Variants in CDH2 observed in about 807,000 individuals in gnomAD.
The protein encoded by CDH2 is cadherin 2, also known as cadherin-2.
Under a neutral mutation model 92.0 loss-of-function variants are expected in CDH2, and 17 were observed. That is an observed-to-expected ratio of 0.18 (90% CI 0.13 to 0.28). The LOEUF (loss-of-function observed/expected upper bound fraction) is 0.28. CDH2 is among the 10% of genes least tolerant of loss of function. The pLI, the probability that CDH2 is intolerant of heterozygous loss-of-function variation, is 1.00. For missense variants in CDH2, 862 were observed against 1,133.1 expected (o/e 0.76, Z 3.44); for synonymous variants, 419 against 415.9 (o/e 1.01, Z -0.09).
intron 2 of CDH2, among the ~76,000 whole-genome samples, chr18:28,115,663 T>C (rs2015485767): frequency 6.6e-6 from 1 of 152,140 alleles, no homozygotes; most frequent in Non-Finnish European, 1.5e-5. Flanking sequence ...TGGGCCAGCT[T>C]TCCAATTTTC....
At chr18:27,948,493 TAGTG>T (rs570106809), downstream of CDH2, among the ~76,000 whole-genome samples, 473 of 151,978 alleles carry the variant, frequency 3.1e-3, no homozygotes, top group Admixed American at 5.5e-3. Context: ...TAGTCAAACA[TAGTG>T]AGAACCACAT....
chr18:28,022,031 GA>G (rs202216540), intron 2 of CDH2, among the ~76,000 whole-genome samples: 4,340 of 152,060 alleles, frequency 0.029, 93 homozygotes, highest in African/African-American at 0.052. Context: ...GGAAGGTAGG[GA>G]GAAACTGCCA....
chr18:28,160,160 A>G (rs1032143751), intron 1 of CDH2, among the ~76,000 whole-genome samples: 1 of 146,774 alleles, frequency 6.8e-6, no homozygotes, highest in South Asian at 2.1e-4. Flanking sequence ...CGAGAAAAAA[A>G]TAAAAAAAAA....
At chr18:27,993,786 C>G in intron 7 of CDH2, 149 bp from the exon 8 acceptor site, 2 of 628,710 alleles carry the variant, frequency 3.2e-6, no homozygotes, top group Non-Finnish European at 5.5e-6. Flanking sequence ...AGTGGAGTTT[C>G]CTTTAACTTA....
intron 2 of CDH2, among the ~76,000 whole-genome samples, chr18:28,106,244 C>T (rs913992721): frequency 7.2e-5 from 11 of 151,880 alleles, no homozygotes; most frequent in African/African-American, 2.7e-4. Context: ...TGGCAAAAAC[C>T]TGTCTTTCCT....
intron 2 of CDH2, among the ~76,000 whole-genome samples, chr18:28,106,138 C>T (rs954404776): frequency 5.3e-5 from 8 of 152,190 alleles, no homozygotes; most frequent in African/African-American, 1.7e-4. Flanking sequence ...TATATCTGGC[C>T]GGGTGCAGTG....
intron 2 of CDH2, among the ~76,000 whole-genome samples, chr18:28,023,780 C>A (rs536599336): frequency 2.0e-5 from 3 of 152,264 alleles, no homozygotes; most frequent in African/African-American, 7.2e-5. Context: ...CATCAATATA[C>A]AATAACTTTT....
intron 1 of CDH2, among the ~76,000 whole-genome samples, chr18:28,166,932 G>A (rs1264196117): frequency 6.6e-6 from 1 of 151,988 alleles, no homozygotes; most frequent in Admixed American, 6.6e-5. Context: ...CAGACTCTCA[G>A]ATCTTTAAAA....
chr18:28,153,669 C>T (rs1568019296), intron 1 of CDH2, among the ~76,000 whole-genome samples: 2 of 152,180 alleles, frequency 1.3e-5, no homozygotes, highest in African/African-American at 4.8e-5. Flanking sequence ...TCTGCCAGAC[C>T]TCTGAGAAGA....
intron 2 of CDH2, among the ~76,000 whole-genome samples, chr18:28,069,960 C>A (rs17494290): frequency 2.0e-5 from 3 of 152,040 alleles, no homozygotes; most frequent in African/African-American, 7.3e-5. Context: ...AAGTTAAAGT[C>A]CACTTTAAGG....
At chr18:28,128,551 C>G (rs1238431387) in intron 2 of CDH2, among the ~76,000 whole-genome samples, 1 of 151,952 alleles carries the variant, frequency 6.6e-6, no homozygotes, top group East Asian at 1.9e-4. Flanking sequence ...AAACAATTAG[C>G]TGGGCATGCC....
chr18:28,136,267 G>A (rs2015859950), intron 2 of CDH2, among the ~76,000 whole-genome samples: 1 of 152,034 alleles, frequency 6.6e-6, no homozygotes. Context: ...TTTCCTCTTT[G>A]CCAAAAATGT....
intron 2 of CDH2, among the ~76,000 whole-genome samples, chr18:28,103,620 T>A (rs2015272861): frequency 1.3e-5 from 2 of 151,788 alleles, no homozygotes; most frequent in African/African-American, 4.8e-5. Flanking sequence ...TCATCTACAT[T>A]AGGTATTTCT....
chr18:27,970,194 C>A (rs17522075), intron 14 of CDH2, among the ~76,000 whole-genome samples: 1 of 152,222 alleles, frequency 6.6e-6, no homozygotes, highest in Non-Finnish European at 1.5e-5. Flanking sequence ...TGTTTTGATG[C>A]AATCCAGTTA....
intron 8 of CDH2, 39 bp from the exon 9 acceptor site, chr18:27,992,879 G>A: frequency 2.0e-6 from 3 of 1,506,608 alleles, no homozygotes; most frequent in Non-Finnish European, 2.7e-6. Context: ...GAGGGGCATG[G>A]ACCACTGAAG....
intron 15 of CDH2, among the ~76,000 whole-genome samples, chr18:27,953,227 T>TAAAG (rs1407915670): frequency 6.6e-6 from 1 of 152,160 alleles, no homozygotes; most frequent in Non-Finnish European, 1.5e-5. Flanking sequence ...CTGGTTCTTA[T>TAAAG]AAAGAATTTT....
At chr18:28,176,922 C>G in intron 1 of CDH2, 41 bp downstream of exon 1, 5 of 1,197,292 alleles carry the variant, frequency 4.2e-6, no homozygotes, top group Non-Finnish European at 5.2e-6. Context: ...GCCGCCCGCC[C>G]CACCCCGCCC....
chr18:28,110,968 G>C (rs115152141), intron 2 of CDH2, among the ~76,000 whole-genome samples: 2,735 of 152,224 alleles, frequency 0.018, 106 homozygotes, highest in African/African-American at 0.063. Context: ...AATGAGGTTA[G>C]CATGAGAAAG....
At chr18:28,087,474 T>C (rs2014954898) in intron 2 of CDH2, among the ~76,000 whole-genome samples, 1 of 152,082 alleles carries the variant, frequency 6.6e-6, no homozygotes, top group African/African-American at 2.4e-5. Context: ...ACAAACAAAC[T>C]GCAGAGGCTG....
Sources: allele counts gnomAD v4.1 joint callset (sites outside exome capture counted in the v4.1 genomes callset), GRCh38; gene constraint gnomAD v4.1.1; transcripts MANE v1.5; gene names NCBI Gene and HGNC (gene_info 2026-07-23, HGNC 2026-07-21).